Variants in SOX5 observed in about 807,000 individuals in gnomAD.
SOX5 encodes the protein transcription factor SOX-5.
SOX5 carries 9 observed loss-of-function variants against 92.0 expected under a neutral mutation model. That is an observed-to-expected ratio of 0.10 (90% CI 0.06 to 0.17). The LOEUF is 0.17. Among genes scored for constraint, SOX5 ranks in the 10% least tolerant of loss-of-function variants. SOX5 has a pLI of 1.00. For missense variants in SOX5, 642 were observed against 944.5 expected (o/e 0.68, Z 4.20); for synonymous variants, 344 against 336.3 (o/e 1.02, Z -0.25).
chr12:24,070,444 A>G (rs758531757), intron 4 of SOX5, among the ~76,000 whole-genome samples: 20 of 152,186 alleles, frequency 1.3e-4, no homozygotes, highest in Non-Finnish European at 2.6e-4. Context: ...TGGGCAATAC[A>G]TATCCTAAAA....
At chr12:24,243,889 AATAGC>A (rs1938016105) in intron 3 of SOX5, among the ~76,000 whole-genome samples, 1 of 152,102 alleles carries the variant, frequency 6.6e-6, no homozygotes, top group South Asian at 2.1e-4. Flanking sequence ...AATAGCCAAA[AATAGC>A]AATGATTCTT....
At chr12:23,661,621 T>A (rs2083064642) in intron 7 of SOX5, among the ~76,000 whole-genome samples, 1 of 152,186 alleles carries the variant, frequency 6.6e-6, no homozygotes, top group African/African-American at 2.4e-5. Flanking sequence ...TCTACAGGTG[T>A]CAAAGGCATT....
At position 23,736,537 on chromosome 12, in the gene SOX5, C is replaced by T. The variant is rs533993189; in HGVS notation, c.742-1785G>A. On this transcript the variant is annotated intron_variant, in intron 5 of 14. Transcript: ENST00000451604. ...ATTCAGGAAAAAATTCACACATCAC[C>T]ATAAACAAAAGAACCCATGTGATGA... Among the ~76,000 whole-genome samples the T allele has an allele frequency of 1.2e-4, 19 of 152,036 alleles. 1 individual carries two copies. In the South Asian group the frequency reaches 3.9e-3, roughly 32 times the overall value.
At chr12:24,295,480 A>G (rs577669717) in intron 2 of SOX5, among the ~76,000 whole-genome samples, 21 of 152,342 alleles carry the variant, frequency 1.4e-4, no homozygotes, top group Middle Eastern at 3.4e-3. Flanking sequence ...TATAAAGACT[A>G]ATAAACTTCT....
chr12:23,788,409 G>A (rs1047930038), intron 3 of SOX5, among the ~76,000 whole-genome samples: 1 of 151,572 alleles, frequency 6.6e-6, no homozygotes, highest in Non-Finnish European at 1.5e-5. Flanking sequence ...TTTTCCCATG[G>A]GTCCTCATTA....
intron 4 of SOX5, among the ~76,000 whole-genome samples, chr12:23,982,630 A>C (rs1043569993): frequency 4.6e-5 from 7 of 152,002 alleles, no homozygotes; most frequent in South Asian, 2.1e-4. Flanking sequence ...ACCCTAACTA[A>C]CTCTTAAAGT....
At chr12:23,919,061 A>G (rs1360287818) in intron 1 of SOX5, among the ~76,000 whole-genome samples, 1 of 152,230 alleles carries the variant, frequency 6.6e-6, no homozygotes, top group East Asian at 1.9e-4. Context: ...CTGAAAGGTA[A>G]TTAATAGGTA....
At chr12:23,606,412 C>T (rs770333187) in intron 8 of SOX5, among the ~76,000 whole-genome samples, 4 of 151,412 alleles carry the variant, frequency 2.6e-5, no homozygotes, top group African/African-American at 4.8e-5. Flanking sequence ...ATTACTGATT[C>T]GTTATACACT....
At chr12:24,325,256 T>C (rs1053435596) in intron 2 of SOX5, among the ~76,000 whole-genome samples, 3 of 152,144 alleles carry the variant, frequency 2.0e-5, no homozygotes, top group Admixed American at 1.3e-4. Flanking sequence ...AGGCTTTCAG[T>C]TGGGCTGATA....
At chr12:23,709,916 T>C (rs1031961804) in intron 6 of SOX5, among the ~76,000 whole-genome samples, 1 of 152,208 alleles carries the variant, frequency 6.6e-6, no homozygotes, top group African/African-American at 2.4e-5. Flanking sequence ...TACTAAATAA[T>C]TTTAAATGGA....
chr12:23,849,178 T>C (rs1010500788), intron 2 of SOX5, among the ~76,000 whole-genome samples: 1 of 152,224 alleles, frequency 6.6e-6, no homozygotes, highest in Non-Finnish European at 1.5e-5. Flanking sequence ...TGTGTTTCTT[T>C]TATTATTCAA....
chr12:24,134,151 T>C (rs965732498), intron 4 of SOX5, among the ~76,000 whole-genome samples: 1 of 152,138 alleles, frequency 6.6e-6, no homozygotes, highest in Admixed American at 6.6e-5. Context: ...ATGTTTAAAT[T>C]GAGACAAACA....
At chr12:24,409,650 C>T (rs996057270) in intron 1 of SOX5, among the ~76,000 whole-genome samples, 2 of 152,118 alleles carry the variant, frequency 1.3e-5, no homozygotes, top group Non-Finnish European at 2.9e-5. Flanking sequence ...TTTACATCCC[C>T]ACCAACAATG....
chr12:24,310,940 A>T (rs1284214010), intron 2 of SOX5, among the ~76,000 whole-genome samples: 2 of 152,148 alleles, frequency 1.3e-5, no homozygotes, highest in Non-Finnish European at 2.9e-5. Context: ...GTATTTCAGG[A>T]ACTACTTTTC....
intron 2 of SOX5, among the ~76,000 whole-genome samples, chr12:24,365,628 T>A (rs1433995435): frequency 6.6e-6 from 1 of 151,308 alleles, no homozygotes. Flanking sequence ...CTGCACAAAA[T>A]TTGATATAAT....
At chr12:24,271,354 C>G (rs1268669751) in intron 3 of SOX5, among the ~76,000 whole-genome samples, 1 of 152,062 alleles carries the variant, frequency 6.6e-6, no homozygotes, top group Non-Finnish European at 1.5e-5. Context: ...CTTCTTTTGC[C>G]TTTTTCTACT....
chr12:24,384,608 A>G (rs1390328911), intron 1 of SOX5, among the ~76,000 whole-genome samples: 2 of 152,232 alleles, frequency 1.3e-5, no homozygotes, highest in African/African-American at 2.4e-5. Context: ...TATCTGTGAA[A>G]TTGCAAAGAA....
intron 4 of SOX5, among the ~76,000 whole-genome samples, chr12:24,152,847 GAAA>G (rs56797704): frequency 6.6e-6 from 1 of 150,394 alleles, no homozygotes; most frequent in East Asian, 1.9e-4. Context: ...ACTGGCACAG[GAAA>G]AAAAAAAAGA....
chr12:24,353,618 T>C (rs1954401464), intron 2 of SOX5, among the ~76,000 whole-genome samples: 2 of 152,022 alleles, frequency 1.3e-5, no homozygotes, highest in Non-Finnish European at 2.9e-5. Context: ...TCTTCCTGCA[T>C]AAGGGAGCAG....
Sources: allele counts gnomAD v4.1 joint callset (sites outside exome capture counted in the v4.1 genomes callset), GRCh38; gene constraint gnomAD v4.1.1; transcripts MANE v1.5; gene names NCBI Gene and HGNC (gene_info 2026-07-23, HGNC 2026-07-21).